The following EXOC6B variants were observed in gnomAD, a reference collection of about 807,000 sequenced individuals.
The protein encoded by EXOC6B is SEC15 homolog B.
In EXOC6B, 54 loss-of-function variants were observed where a neutral mutation model predicts 113.5. That is an observed-to-expected ratio of 0.48 (90% CI 0.38 to 0.60). The LOEUF (loss-of-function observed/expected upper bound fraction) is 0.60, where lower values mean the gene tolerates loss of function less well. Ranked by LOEUF, EXOC6B falls within the 20% of genes least tolerant of loss-of-function variation. The probability of loss-of-function intolerance (pLI) is 0.00; values close to 1 mark genes in which losing one functional copy is unlikely to be tolerated. For synonymous variants in EXOC6B, 357 were observed against 339.0 expected (o/e 1.05, Z -0.58); for missense variants, 797 against 977.5 (o/e 0.82, Z 2.46).
intron 18 of EXOC6B, chr2:72,464,738 G>T (rs1018515381): frequency 1.2e-5 from 2 of 169,302 alleles, no homozygotes; most frequent in African/African-American, 4.8e-5. Flanking sequence ...TAAGAAAACA[G>T]AGAAAACATA....
intron 6 of EXOC6B, among the ~76,000 whole-genome samples, chr2:72,713,439 AT>A (rs1679395932): frequency 6.6e-6 from 1 of 151,272 alleles, no homozygotes; most frequent in Admixed American, 6.6e-5. Flanking sequence ...TTTTTCTTTT[AT>A]TATTATTATA....
chr2:72,375,119 G>A (rs1469257410), intron 19 of EXOC6B, among the ~76,000 whole-genome samples: 1 of 151,890 alleles, frequency 6.6e-6, no homozygotes, highest in African/African-American at 2.4e-5. Flanking sequence ...GCATCATAGG[G>A]ACATATCAGT....
intron 1 of EXOC6B, among the ~76,000 whole-genome samples, chr2:72,797,789 C>A (rs1050513993): frequency 1.3e-5 from 2 of 151,984 alleles, no homozygotes; most frequent in African/African-American, 4.8e-5. Flanking sequence ...CCAGCCTGGA[C>A]AACAAAGCGA....
At chr2:72,222,111 A>C (rs908793246) in intron 20 of EXOC6B, among the ~76,000 whole-genome samples, 3 of 152,248 alleles carry the variant, frequency 2.0e-5, no homozygotes, top group African/African-American at 7.2e-5. Context: ...CTAATGGAAT[A>C]GCCAGGGAAG....
intron 6 of EXOC6B, among the ~76,000 whole-genome samples, chr2:72,642,619 T>C: frequency 6.8e-6 from 1 of 146,404 alleles, no homozygotes; most frequent in East Asian, 2.0e-4. Flanking sequence ...CAATTCAAGA[T>C]GGATTAAAGA....
At chr2:72,347,668 A>G (rs530119485) in intron 19 of EXOC6B, among the ~76,000 whole-genome samples, 1 of 152,270 alleles carries the variant, frequency 6.6e-6, no homozygotes, top group South Asian at 2.1e-4. Context: ...AATATTTTTG[A>G]AATTATTGAG....
At chr2:72,342,631 G>A (rs1348130675) in intron 19 of EXOC6B, among the ~76,000 whole-genome samples, 2 of 152,090 alleles carry the variant, frequency 1.3e-5, no homozygotes, top group Admixed American at 6.6e-5. Context: ...GAGAATGGAG[G>A]TTCCTCAGAA....
intron 6 of EXOC6B, among the ~76,000 whole-genome samples, chr2:72,663,757 C>A (rs868700579): frequency 1.3e-5 from 2 of 151,902 alleles, no homozygotes; most frequent in African/African-American, 2.4e-5. Context: ...TGAAACTATT[C>A]CATAATATTG....
intron 20 of EXOC6B, among the ~76,000 whole-genome samples, chr2:72,274,603 T>C (rs1201000566): frequency 6.6e-6 from 1 of 152,142 alleles, no homozygotes; most frequent in Non-Finnish European, 1.5e-5. Flanking sequence ...TTTATATGTG[T>C]GTCCTAACTG....
chr2:72,813,710 C>G (rs765972158), intron 1 of EXOC6B, among the ~76,000 whole-genome samples: 20 of 152,326 alleles, frequency 1.3e-4, no homozygotes, highest in Non-Finnish European at 2.2e-4. Context: ...AGCCCAATGT[C>G]TGCTGTTTTT....
At chr2:72,824,934 G>C (rs372736859) in intron 1 of EXOC6B, among the ~76,000 whole-genome samples, 14 of 152,172 alleles carry the variant, frequency 9.2e-5, no homozygotes, top group African/African-American at 2.6e-4. Context: ...TGTGACCTTG[G>C]GCAAGTCACT....
chr2:72,397,774 C>T (rs1692843241), intron 18 of EXOC6B, among the ~76,000 whole-genome samples: 1 of 151,734 alleles, frequency 6.6e-6, no homozygotes, highest in Admixed American at 6.6e-5. Context: ...GAGATGTGCA[C>T]ATCATTAGCA....
Position 72,483,451 on chromosome 2 carries a change from T to C in EXOC6B, c.1666-2701A>G. 1.3e-5 allele frequency among the ~76,000 whole-genome samples: 2 copies of C among 152,156 alleles called. 1 individual carries two copies. Among genetic ancestry groups the C allele is most frequent in the Admixed American group, 1.3e-4 (2 of 15,278 alleles). ...AAAGAGAAAATTATCCTGTTTTACA[T>C]GATATTGGCAGTTAAAGAAAAAAAA... is the stretch of plus-strand genomic sequence containing the variant. On this transcript the variant is annotated intron_variant, in intron 16 of 21. Transcript: ENST00000272427.
intron 7 of EXOC6B, among the ~76,000 whole-genome samples, chr2:72,563,162 C>G (rs1703984672): frequency 6.6e-6 from 1 of 151,970 alleles, no homozygotes; most frequent in African/African-American, 2.4e-5. Context: ...AAATAACGAG[C>G]TAGTAAAAGA....
intron 6 of EXOC6B, among the ~76,000 whole-genome samples, chr2:72,671,780 AAAGAAAGAAAGAAAGAAAGAAAG>A (rs1675852027): frequency 8.1e-6 from 1 of 124,090 alleles, no homozygotes; most frequent in African/African-American, 3.9e-5. Context: ...AGAAAGAAAG[AAAGAAAGAAAGAAAGAAAGAAAG>A]AAAGAAAGAA....
At chr2:72,512,267 C>T (rs1700945479) in intron 11 of EXOC6B, among the ~76,000 whole-genome samples, 1 of 151,132 alleles carries the variant, frequency 6.6e-6, no homozygotes, top group Non-Finnish European at 1.5e-5. Context: ...CTATCTTGTT[C>T]ATTGTCATAT....
intron 6 of EXOC6B, among the ~76,000 whole-genome samples, chr2:72,681,929 C>G (rs1421786754): frequency 6.6e-6 from 1 of 151,612 alleles, no homozygotes; most frequent in Non-Finnish European, 1.5e-5. Context: ...TAAATCCCTT[C>G]TCTCCACTAG....
At chr2:72,672,543 T>A (rs1431053150) in intron 6 of EXOC6B, among the ~76,000 whole-genome samples, 2 of 12,776 alleles carry the variant, frequency 1.6e-4, no homozygotes, top group African/African-American at 5.0e-4. Context: ...CGAGACTCTG[T>A]CTCAAAAAAA....
At chr2:72,249,111 T>G (rs1330034051) in intron 20 of EXOC6B, among the ~76,000 whole-genome samples, 1 of 151,968 alleles carries the variant, frequency 6.6e-6, no homozygotes, top group Non-Finnish European at 1.5e-5. Flanking sequence ...AAAACAAATT[T>G]TAAAATTAGC....
Sources: gnomAD v4.1 joint callset for allele counts (sites outside exome capture counted in the v4.1 genomes callset) on GRCh38, gnomAD v4.1.1 for gene constraint, MANE v1.5 for transcripts, NCBI Gene and HGNC (gene_info 2026-07-23, HGNC 2026-07-21) for gene names.